GSTA1: variants seen among roughly 807,000 people sequenced by gnomAD.
GSTA1 encodes glutathione S-transferase A1.
Under a neutral mutation model 21.5 loss-of-function variants are expected in GSTA1, and 23 were observed. That is an observed-to-expected ratio of 1.07 (90% CI 0.77 to 1.52). The LOEUF is 1.52. Among genes scored for constraint, GSTA1 ranks in the 40% most tolerant of loss-of-function variants. The probability of loss-of-function intolerance (pLI) is 0.00; values close to 1 mark genes in which losing one functional copy is unlikely to be tolerated. For synonymous variants in GSTA1, 125 were observed against 90.0 expected (o/e 1.39, Z -2.20); for missense variants, 301 against 264.2 (o/e 1.14, Z -0.96).
rs1291616025 is a variant in GSTA1, at chr6:52,793,041, C to T, written c.415-54G>A. 9.3e-6 allele frequency: 15 copies of T among 1,612,378 alleles called. No individual in the cohort carries two copies. The East Asian group carries it at 1.1e-4, about 12-fold the overall frequency. ...ACACATGCACACCCAGGCTAGGACC[C>T]CTGCTTCTTTCGGAGCCTCTCCACC... is the stretch of plus-strand genomic sequence containing the variant. On this transcript the variant is annotated intron_variant, in intron 5 of 6. Transcript: ENST00000334575.
intron 1 of GSTA1, among the ~76,000 whole-genome samples, chr6:52,803,311 A>G (rs1477521223): frequency 6.6e-6 from 1 of 152,202 alleles, no homozygotes; most frequent in Non-Finnish European, 1.5e-5. Flanking sequence ...CAAAGGCTCA[A>G]CTAGAATCTA....
intron 1 of GSTA1, among the ~76,000 whole-genome samples, chr6:52,802,225 A>G (rs1763734616): frequency 6.6e-6 from 1 of 152,190 alleles, no homozygotes; most frequent in Non-Finnish European, 1.5e-5. Context: ...GCTTGTTTTG[A>G]AAGGAATATA....
intron 3 of GSTA1, among the ~76,000 whole-genome samples, chr6:52,796,543 A>ATATATTT (rs1300549721): frequency 2.1e-4 from 5 of 23,772 alleles, no homozygotes; most frequent in Non-Finnish European, 5.3e-4. Context: ...ATATATATAT[A>ATATATTT]TTTTTTTTTT....
At chr6:52,799,810 G>A (rs1763671088) in intron 1 of GSTA1, among the ~76,000 whole-genome samples, 2 of 152,294 alleles carry the variant, frequency 1.3e-5, no homozygotes, top group African/African-American at 2.4e-5. Context: ...CTAAAATGAA[G>A]TCACTCCTGG....
chr6:52,802,442 G>T (rs921949533), intron 1 of GSTA1, among the ~76,000 whole-genome samples: 1 of 152,120 alleles, frequency 6.6e-6, no homozygotes, highest in Admixed American at 6.5e-5. Flanking sequence ...CTACTTTTGA[G>T]GGTTGTTGAG....
Position 52,792,905 on chromosome 6 carries a change from T to C in GSTA1, c.497A>G (p.Tyr166Cys). The C allele has an allele frequency of 2.5e-6, 4 of 1,614,050 alleles. No individual in the cohort carries two copies. Among genetic ancestry groups the C allele is most frequent in the South Asian group, 1.1e-5 (1 of 91,078 alleles). ...ADIHLVELLY[Y>C]VEELDSSLIS... ...AAGACTGGAGTCAAGCTCCTCGACGTAGTAGAGAAGTTCCACCAGATGAAT... is the reference window on the plus strand; with the variant it reads ...AAGACTGGAGTCAAGCTCCTCGACGCAGTAGAGAAGTTCCACCAGATGAAT... Residue 166 changes from tyrosine (Y) to cysteine (C), a missense_variant, in exon 6 of 7, where the codon TAC (tyrosine) becomes TGC (cysteine). Coordinates refer to ENST00000334575, the MANE Select transcript of GSTA1 (RefSeq NM_145740.5).
At chr6:52,799,560 A>T (rs1763664841) in intron 1 of GSTA1, among the ~76,000 whole-genome samples, 1 of 152,142 alleles carries the variant, frequency 6.6e-6, no homozygotes, top group Non-Finnish European at 1.5e-5. Flanking sequence ...ATGTGGTAAA[A>T]ATACATGTAT....
At chr6:52,802,319 A>G (rs1763737546) in intron 1 of GSTA1, among the ~76,000 whole-genome samples, 1 of 152,222 alleles carries the variant, frequency 6.6e-6, no homozygotes, top group African/African-American at 2.4e-5. Flanking sequence ...CTTATCAGAG[A>G]GAAGGGAGAA....
chr6:52,792,994 A>T lies in GSTA1; in HGVS notation c.415-7T>A. On this transcript the variant is annotated splice_polypyrimidine_tract_variant and splice_region_variant and intron_variant, in intron 5 of 6. Coordinates refer to ENST00000334575, the MANE Select transcript of GSTA1 (RefSeq NM_145740.5). ...GTCCATGGCTCTTTAAGACCTGGAG[A>T]ATGGGAGGAATCAGATCAGGAACAC... The T allele has an allele frequency of 6.2e-7, 1 of 1,613,868 alleles. No individual in the cohort carries two copies. Among genetic ancestry groups the T allele is most frequent in the Non-Finnish European group, 8.5e-7 (1 of 1,179,896 alleles).
Position 52,796,537 on chromosome 6 carries a change from A to AT in GSTA1, c.140-224dup, listed in dbSNP as rs1561912893. 3.0e-4 allele frequency among the ~76,000 whole-genome samples: 12 copies of AT among 40,114 alleles called. 1 individual carries two copies. Among genetic ancestry groups the AT allele is most frequent in the African/African-American group, 7.3e-4 (11 of 15,040 alleles). 26.3% of individuals were successfully genotyped at this position (40,114 alleles called of 152,430 possible). On this transcript the variant is annotated intron_variant, in intron 3 of 6. Coordinates refer to ENST00000334575, the MANE Select transcript of GSTA1 (RefSeq NM_145740.5). Reference sequence around the variant, plus strand: ...TGTGTGTGTGTGTGTGTGTATATATATATATATTTTTTTTTTTTTTTTTTT... The same window carrying AT: ...TGTGTGTGTGTGTGTGTGTATATATATTATATATTTTTTTTTTTTTTTTTTT...
At chr6:52,800,730 C>T (rs962895280) in intron 1 of GSTA1, among the ~76,000 whole-genome samples, 3 of 152,186 alleles carry the variant, frequency 2.0e-5, no homozygotes, top group African/African-American at 7.2e-5. Flanking sequence ...TCATTGAAAG[C>T]AGGAGTTCCA....
At chr6:52,798,573 C>T (rs962225112) in intron 2 of GSTA1, among the ~76,000 whole-genome samples, 2 of 108,098 alleles carry the variant, frequency 1.9e-5, no homozygotes, top group Non-Finnish European at 3.7e-5. Flanking sequence ...TAATATTATG[C>T]ATTTTTATTT....
At chr6:52,796,808 G>A (rs1160168664) in intron 3 of GSTA1, among the ~76,000 whole-genome samples, 1 of 151,550 alleles carries the variant, frequency 6.6e-6, no homozygotes, top group Non-Finnish European at 1.5e-5. Flanking sequence ...CTCCCAAACT[G>A]GGATTACAGG....
chr6:52,792,193 A>C (rs1206372565), intron 6 of GSTA1, among the ~76,000 whole-genome samples: 2 of 152,198 alleles, frequency 1.3e-5, no homozygotes, highest in African/African-American at 4.8e-5. Flanking sequence ...TTGAAGTTTT[A>C]ATCAGTTCAG....
At chr6:52,801,980 T>C (rs1763728113) in intron 1 of GSTA1, among the ~76,000 whole-genome samples, 1 of 152,126 alleles carries the variant, frequency 6.6e-6, no homozygotes, top group Non-Finnish European at 1.5e-5. Flanking sequence ...TGAGAAGTTG[T>C]TTTGTATTTT....
In GSTA1 at chr6:52,799,094, G is replaced by A. The variant is rs192198973; in HGVS notation, c.87+87C>T. The A allele has an allele frequency of 2.5e-5, 31 of 1,246,952 alleles. No individual in the cohort carries two copies. The Admixed American group carries it at 4.6e-4, about 18-fold the overall frequency. 77.2% of individuals were successfully genotyped at this position (1,246,952 alleles called of 1,614,324 possible). ...TTTTTATTTAAGGCACAATGCTTCA[G>A]TAAGCAACATCTCATAGTTTCTGTG... On this transcript the variant is annotated intron_variant, in intron 2 of 6. Coordinates refer to ENST00000334575, the MANE Select transcript of GSTA1 (RefSeq NM_145740.5).
chr6:52,799,348 G>C, intron 1 of GSTA1, 51 bp from the exon 2 acceptor site: 1 of 1,281,850 alleles, frequency 7.8e-7, no homozygotes, highest in Non-Finnish European at 1.1e-6. Context: ...AATCAAAAAT[G>C]TACTTTAGGA....
At chr6:52,794,975 T>A (rs892998075) in intron 4 of GSTA1, among the ~76,000 whole-genome samples, 1 of 152,250 alleles carries the variant, frequency 6.6e-6, no homozygotes, top group African/African-American at 2.4e-5. Context: ...CATATTCACA[T>A]ACTATAATTG....
chr6:52,794,100 C>T (rs1407403983), intron 5 of GSTA1, 25 bp downstream of exon 5: 2 of 1,612,962 alleles, frequency 1.2e-6, no homozygotes, highest in African/African-American at 2.7e-5. Context: ...CTCAGTTCCC[C>T]AAAACACTGA....
Sources: gnomAD v4.1 joint callset for allele counts (sites outside exome capture counted in the v4.1 genomes callset) on GRCh38, gnomAD v4.1.1 for gene constraint, MANE v1.5 for transcripts, NCBI Gene and HGNC (gene_info 2026-07-23, HGNC 2026-07-21) for gene names.